The following SNX25 variants were observed in gnomAD, a reference collection of about 807,000 sequenced individuals.
SNX25 encodes the protein sorting nexin-25.
Under a neutral mutation model 113.7 loss-of-function variants are expected in SNX25, and 62 were observed. That is an observed-to-expected ratio of 0.55 (90% CI 0.44 to 0.67). The LOEUF (loss-of-function observed/expected upper bound fraction) is 0.67. SNX25 is among the 30% of genes least tolerant of loss of function. The pLI is 0.00. For synonymous variants in SNX25, 421 were observed against 436.2 expected, an observed-to-expected ratio of 0.97 and a Z score of 0.43; for missense variants, 1,014 against 1,161.0, an observed-to-expected ratio of 0.87 and a Z score of 1.84.
chr4:185,233,520 T>C (rs1742162479), intron 1 of SNX25, among the ~76,000 whole-genome samples: 1 of 152,186 alleles, frequency 6.6e-6, no homozygotes, highest in African/African-American at 2.4e-5. Flanking sequence ...TTTTTTATCA[T>C]ATAAACTTTT....
At chr4:185,235,443 A>G (rs1224183856) in intron 1 of SNX25, among the ~76,000 whole-genome samples, 1 of 152,178 alleles carries the variant, frequency 6.6e-6, no homozygotes, top group Non-Finnish European at 1.5e-5. Flanking sequence ...TGGGCTTTCA[A>G]GGGACATGGT....
chr4:185,363,644 C>A lies in SNX25; in HGVS notation c.*179C>A. 3 of 477,188 alleles carry A rather than the reference C, an allele frequency of 6.3e-6. No homozygotes were observed. Among genetic ancestry groups the A allele is most frequent in the Non-Finnish European group, 7.4e-6 (2 of 270,904 alleles). 29.6% of individuals were successfully genotyped at this position (477,188 alleles called of 1,614,324 possible). On this transcript the variant is annotated 3_prime_UTR_variant, in exon 19 of 19. Transcript: ENST00000652585. The surrounding 1 kb of genome is among the most constrained non-coding windows in gnomAD (Gnocchi z 4.2). ...ACGGGACTTATGCTGTGGTAGGCAA[C>A]AGAAAAAAACTTCTATTGATTTTAA... is the stretch of plus-strand genomic sequence containing the variant.
chr4:185,224,520 TATATATACATATATATAAATATATATAC>T (rs1740613790), intron 1 of SNX25, among the ~76,000 whole-genome samples: 2 of 130,250 alleles, frequency 1.5e-5, no homozygotes, highest in Non-Finnish European at 3.1e-5. Flanking sequence ...GATATATAAA[TATATATACATATATATAAATATATATAC>T]ATATATATAA....
chr4:185,286,194 A>G (rs1751325387), intron 5 of SNX25, among the ~76,000 whole-genome samples: 1 of 151,946 alleles, frequency 6.6e-6, no homozygotes, highest in Admixed American at 6.6e-5. Context: ...TAGCTCACTG[A>G]GACTTTGAAC....
Position 185,262,515 on chromosome 4 carries a change from T to C in SNX25, c.732-1923T>C, listed in dbSNP as rs181484400. 3.6e-3 allele frequency among the ~76,000 whole-genome samples: 548 copies of C among 152,336 alleles called. 5 individuals are homozygous for C. The highest frequency in any genetic ancestry group is 0.013 in the African/African-American group (521 of 41,572). On this transcript the variant is annotated intron_variant, in intron 3 of 18. Coordinates refer to ENST00000652585, the MANE Select transcript of SNX25 (RefSeq NM_001378034.2). Reference sequence around the variant, plus strand: ...AATGTTCTTTTTCATCTTTGTAATTTCTGATTGTGGTGTAATTTAAAGAGT... The same window carrying C: ...AATGTTCTTTTTCATCTTTGTAATTCCTGATTGTGGTGTAATTTAAAGAGT...
chr4:185,218,949 A>G (rs1324849016), intron 1 of SNX25, among the ~76,000 whole-genome samples: 1 of 152,038 alleles, frequency 6.6e-6, no homozygotes, highest in Non-Finnish European at 1.5e-5. Flanking sequence ...CAGTACTCCT[A>G]CCTTCTTGCT....
At chr4:185,344,734 A>G (rs1039245613) in intron 12 of SNX25, among the ~76,000 whole-genome samples, 2 of 152,230 alleles carry the variant, frequency 1.3e-5, no homozygotes, top group Non-Finnish European at 2.9e-5. Context: ...CTCCTCTTCT[A>G]TGAATGAAAT....
chr4:185,226,876 A>G (rs1741077427), intron 1 of SNX25, among the ~76,000 whole-genome samples: 1 of 124,074 alleles, frequency 8.1e-6, no homozygotes, highest in Admixed American at 9.0e-5. Flanking sequence ...TGATTCCTGT[A>G]TCCCCTTCCT....
In SNX25 at chr4:185,258,883, TG is replaced by T; in HGVS notation, c.552del (p.Trp184CysfsTer31). On this transcript the variant is annotated frameshift_variant, in exon 3 of 19. Transcript: ENST00000652585. LOFTEE classifies it high-confidence loss of function. ...DYSYRDYILS[W>X]YGNLSRDEGQ... ...CAGTTATAGAGATTACATTCTGTCCTGGTATGGAAACCTCAGCAGAGATGAG... is the reference window on the plus strand; with the variant it reads ...CAGTTATAGAGATTACATTCTGTCCTGTATGGAAACCTCAGCAGAGATGAG... 1 of 1,614,056 alleles carries T rather than the reference TG, an allele frequency of 6.2e-7. No homozygotes were observed. The highest frequency in any genetic ancestry group is 1.1e-5 in the South Asian group (1 of 91,072).
intron 6 of SNX25, among the ~76,000 whole-genome samples, 176 bp downstream of exon 6, chr4:185,288,258 TAAC>T (rs1019732766): frequency 1.3e-5 from 2 of 152,226 alleles, no homozygotes; most frequent in South Asian, 2.1e-4. Context: ...AATTTCATCC[TAAC>T]AACAACCTTT....
Position 185,258,868 on chromosome 4 carries a change from G to A in SNX25, c.535G>A (p.Asp179Asn), listed in dbSNP as rs1746830591. The change falls in exon 3 of 19, where the codon GAT becomes AAT. Residue 179 changes from aspartate to asparagine, a missense_variant. Coordinates refer to ENST00000652585, the MANE Select transcript of SNX25 (RefSeq NM_001378034.2). ...GGTAGTGTTCGACTACAGTTATAGA[G>A]ATTACATTCTGTCCTGGTATGGAAA... ...LKEVFDYSYR[D>N]YILSWYGNLS... 3 of 1,613,892 alleles carry A rather than the reference G, an allele frequency of 1.9e-6. No homozygotes were observed. Among genetic ancestry groups the A allele is most frequent in the East Asian group, 4.5e-5 (2 of 44,878 alleles).
chr4:185,369,499 C>T (rs1055122697), intron 11 of SNX25, among the ~76,000 whole-genome samples: 1 of 152,100 alleles, frequency 6.6e-6, no homozygotes, highest in African/African-American at 2.4e-5. Context: ...CTGCCTCAGC[C>T]TCCCGAAGTG....
intron 2 of SNX25, 117 bp downstream of exon 2, chr4:185,247,495 T>G: frequency 1.3e-6 from 1 of 797,674 alleles, no homozygotes; most frequent in Non-Finnish European, 2.1e-6. Context: ...GTTAGGAATT[T>G]TTTCTTCATG....
At position 185,334,049 on chromosome 4, in the gene SNX25, A is replaced by T. The variant is rs1256379827; in HGVS notation, c.1914+1290A>T. On this transcript the variant is annotated intron_variant, in intron 10 of 18. Transcript: ENST00000652585. The surrounding 1 kb of genome is among the most constrained non-coding windows in gnomAD (Gnocchi z 4.2). ...GGGCAATAGTCTCAAAAAAAAAAAA[A>T]AAAAAGTGGCTAGGCGCGGTGGCTC... Among the ~76,000 whole-genome samples, 6 of 151,584 alleles carry T rather than the reference A, an allele frequency of 4.0e-5. No homozygotes were observed. The highest frequency in any genetic ancestry group is 7.4e-5 in the Non-Finnish European group (5 of 67,910).
intron 1 of SNX25, among the ~76,000 whole-genome samples, chr4:185,219,141 C>T (rs1234398593): frequency 1.3e-5 from 2 of 152,150 alleles, no homozygotes; most frequent in Non-Finnish European, 2.9e-5. Context: ...TGTCTCAGTC[C>T]TCCAGAGCTG....
At chr4:185,267,327 A>G (rs1748259836) in intron 5 of SNX25, among the ~76,000 whole-genome samples, 172 bp downstream of exon 5, 1 of 152,194 alleles carries the variant, frequency 6.6e-6, no homozygotes, top group Non-Finnish European at 1.5e-5. Context: ...CAGTGTAATT[A>G]GAATGAATTT....
At chr4:185,376,169 G>A in the SNX25 span, among the ~76,000 whole-genome samples, 2 of 152,206 alleles carry the variant, frequency 1.3e-5, no homozygotes, top group Non-Finnish European at 2.9e-5. Flanking sequence ...AAGATGTGGA[G>A]AAAGAGGGCG....
upstream of SNX25, among the ~76,000 whole-genome samples, chr4:185,207,076 C>G (rs866855547): frequency 1.4e-4 from 22 of 152,252 alleles, no homozygotes; most frequent in African/African-American, 5.1e-4. Context: ...TTGCCCACAT[C>G]AAGGGTGGAT....
At chr4:185,226,257 A>G (rs948567114) in intron 1 of SNX25, among the ~76,000 whole-genome samples, 11 of 152,166 alleles carry the variant, frequency 7.2e-5, no homozygotes, top group African/African-American at 2.7e-4. Flanking sequence ...CTGCGGCTGT[A>G]TTACTCTGTC....
Sources: gnomAD v4.1 joint callset for allele counts (sites outside exome capture counted in the v4.1 genomes callset) on GRCh38, gnomAD v4.1.1 for gene constraint, Gnocchi (gnomAD v3.1) non-coding constraint, MANE v1.5 for transcripts, NCBI Gene and HGNC (gene_info 2026-07-23, HGNC 2026-07-21) for gene names.